DCTN2: variants seen among roughly 807,000 people sequenced by gnomAD.
DCTN2 encodes the protein 50 kDa dynein-associated polypeptide.
Under a neutral mutation model 55.4 loss-of-function variants are expected in DCTN2, and 18 were observed. The observed-to-expected ratio is 0.32, with a 90% confidence interval of 0.22 to 0.48. The LOEUF is 0.48. Among genes scored for constraint, DCTN2 ranks in the 20% least tolerant of loss-of-function variants. The pLI is 0.99. For missense variants in DCTN2, 390 were observed against 491.0 expected (o/e 0.79, Z 1.94); for synonymous variants, 168 against 185.2 (o/e 0.91, Z 0.76).
chr12:57,540,507 GT>G (rs1340212620), intron 2 of DCTN2, among the ~76,000 whole-genome samples: 1 of 152,140 alleles, frequency 6.6e-6, no homozygotes, highest in Non-Finnish European at 1.5e-5. Flanking sequence ...TACCTAGTAC[GT>G]GACTCCCAGT....
chr12:57,535,909 C>T, intron 2 of DCTN2, 64 bp from the exon 3 acceptor site: 1 of 1,290,812 alleles, frequency 7.7e-7, no homozygotes, highest in East Asian at 2.5e-5. Flanking sequence ...TACTCTACCC[C>T]ACAAAATCCC....
At chr12:57,532,478 G>GGGACCTGA in intron 11 of DCTN2, 94 bp downstream of exon 11, 2 of 1,421,558 alleles carry the variant, frequency 1.4e-6, no homozygotes, top group Non-Finnish European at 2.0e-6. Context: ...TATGAAGATG[G>GGGACCTGA]GGACCTGAGG....
In DCTN2 at chr12:57,547,152, G is replaced by A. The variant is rs929076492; in HGVS notation, c.-89C>T. 1 of 1,129,980 alleles carries A rather than the reference G, an allele frequency of 8.8e-7. No homozygotes were observed. The highest frequency in any genetic ancestry group is 4.3e-5 in the South Asian group (1 of 23,040). The allele number at this position is 1,129,980 out of a possible 1,614,324, so 70.0% of individuals were successfully genotyped here. On this transcript the variant is annotated 5_prime_UTR_variant, in exon 1 of 14. Coordinates refer to ENST00000548249, the MANE Select transcript of DCTN2 (RefSeq NM_001261413.2). ...GGGAGAGGCTGGGTTCGGGTCCCGG[G>A]CTAAGGCGGCGGCAAAGGGAGCGGC...
At chr12:57,545,199 G>A (rs888519048) in intron 2 of DCTN2, among the ~76,000 whole-genome samples, 1 of 152,180 alleles carries the variant, frequency 6.6e-6, no homozygotes, top group Non-Finnish European at 1.5e-5. Context: ...TCCCAGCCCA[G>A]CTGTCTTCAG....
At chr12:57,543,767 C>G in intron 2 of DCTN2, 1 of 1,282,578 alleles carries the variant, frequency 7.8e-7, no homozygotes, top group Non-Finnish European at 1.0e-6. Flanking sequence ...CAATTCAGCT[C>G]TTCTTGTATT....
chr12:57,541,242 C>T lies in DCTN2; in HGVS notation c.105+4786G>A, dbSNP rs1456429462. 7 of 1,193,168 alleles carry T rather than the reference C, an allele frequency of 5.9e-6. No homozygotes were observed. In the South Asian group the frequency reaches 1.0e-4, roughly 17 times the overall value. The allele number at this position is 1,193,168 out of a possible 1,614,324, so 73.9% of individuals were successfully genotyped here. ...ATAAGGCCAGCAGGCCCCTCAGTGA[C>T]CCAGCCAGGGACTCACTGGAATTTA... On this transcript the variant is annotated intron_variant, in intron 2 of 13. Transcript: ENST00000548249.
At chr12:57,544,347 C>T (rs1880960909) in intron 2 of DCTN2, among the ~76,000 whole-genome samples, 1 of 151,826 alleles carries the variant, frequency 6.6e-6, no homozygotes, top group African/African-American at 2.4e-5. Context: ...ATACCTAGTA[C>T]AATGTAAATG....
At chr12:57,537,364 A>G (rs1474422969) in intron 2 of DCTN2, among the ~76,000 whole-genome samples, 1 of 138,848 alleles carries the variant, frequency 7.2e-6, no homozygotes, top group Non-Finnish European at 1.5e-5. Context: ...AGAGAAAAGA[A>G]AAAAAAAAAA....
Position 57,532,638 on chromosome 12 carries a change from G to A in DCTN2, c.858C>T (p.Val286=), listed in dbSNP as rs775130542. 4.2e-5 allele frequency: 67 copies of A among 1,613,774 alleles called. No individual in the cohort carries two copies. Among genetic ancestry groups the A allele is most frequent in the Admixed American group, 2.5e-4 (15 of 59,994 alleles). ...TGGCAATCTCGTTCACCTTTCCCAG[G>A]ACACTCTGAAAACACAGATTTTAAG... ...LDQVEARLQS[V]LGKVNEIAKH... Residue 286 remains valine (V), a synonymous_variant, in exon 11 of 14, where the codon GTC becomes GTT. Transcript: ENST00000548249.
At chr12:57,543,751 CAG>C in intron 2 of DCTN2, 1 of 1,271,748 alleles carries the variant, frequency 7.9e-7, no homozygotes, top group Non-Finnish European at 1.0e-6. Flanking sequence ...CCTTAGGTGA[CAG>C]AAACAATTCA....
chr12:57,544,790 T>G (rs945683231), intron 2 of DCTN2, among the ~76,000 whole-genome samples: 1 of 152,176 alleles, frequency 6.6e-6, no homozygotes, highest in Non-Finnish European at 1.5e-5. Context: ...ACACTCCTAT[T>G]CTGTGAGGAC....
In DCTN2 at chr12:57,532,783, C is replaced by T. The variant is rs1276868263; in HGVS notation, c.802G>A (p.Val268Met). ...METVELLQAK[V>M]SALDLAVLDQ... is the part of the protein sequence containing the mutation. ...AAAACTGCAAGGTCTAGGGCGCTCA[C>T]CTTTGCTTGCAACAGCTCTACAGTC... Residue 268 changes from valine to methionine, a missense_variant, in exon 10 of 14, where the codon GTG becomes ATG. Physicochemically the swap from Val to Met is conservative, Grantham distance 21. This residue lies in a region of DCTN2 where 273 missense variants were observed against 303.2 expected (regional missense o/e 0.90). Transcript: ENST00000548249. 1 of 1,613,838 alleles carries T rather than the reference C, an allele frequency of 6.2e-7. No individual in the cohort carries two copies. Among genetic ancestry groups the T allele is most frequent in the Non-Finnish European group, 8.5e-7 (1 of 1,179,900 alleles).
intron 2 of DCTN2, chr12:57,536,129 A>C: frequency 1.0e-5 from 4 of 394,498 alleles, no homozygotes; most frequent in Non-Finnish European, 1.4e-5. Context: ...CCATCCCCCC[A>C]TGCTACCCCT....
In DCTN2 at chr12:57,534,345, C is replaced by T; in HGVS notation, c.471G>A (p.Leu157=). ...GGTTGATTGCAGCATCTGGTCCCAGCAGCTTCTCCAGGTGGGAAGCAACCA... is the reference window on the plus strand; with the variant it reads ...GGTTGATTGCAGCATCTGGTCCCAGTAGCTTCTCCAGGTGGGAAGCAACCA... The part of the protein sequence containing the change: ...QQLVASHLEK[L]LGPDAAINLT... The change falls in exon 6 of 14, where the codon CTG becomes CTA. Residue 157 remains leucine (L), a synonymous_variant. Transcript: ENST00000548249. 6.2e-7 allele frequency: 1 copy of T among 1,612,272 alleles called. No homozygotes were observed. The highest frequency in any genetic ancestry group is 8.5e-7 in the Non-Finnish European group (1 of 1,178,730).
In DCTN2 at chr12:57,530,267, A is replaced by G. The variant is rs775324; in HGVS notation, c.*422T>C. ...CCTGTTATGACGAATGAATATCTAT[A>G]TCCTAGTGCTGCTTCCTCCCCAGGA... On this transcript the variant is annotated 3_prime_UTR_variant, in exon 14 of 14. Transcript: ENST00000548249. 30,260 of 158,748 alleles carry G rather than the reference A, an allele frequency of 0.19. 3,245 individuals are homozygous for G. Among genetic ancestry groups the G allele is most frequent in the East Asian group, 0.34 (1,822 of 5,422 alleles). The allele number at this position is 158,748 out of a possible 1,614,324, so 9.8% of individuals were successfully genotyped here. A position where few individuals can be genotyped will look rare whatever the true frequency, so the allele number is the denominator to read the frequency against.
Position 57,530,532 on chromosome 12 carries a change from G to T in DCTN2, c.*157C>A. 1 of 616,490 alleles carries T rather than the reference G, an allele frequency of 1.6e-6. No individual in the cohort carries two copies. The highest frequency in any genetic ancestry group is 2.2e-5 in the South Asian group (1 of 45,136). The allele number at this position is 616,490 out of a possible 1,614,324, so 38.2% of individuals were successfully genotyped here. A position where few individuals can be genotyped will look rare whatever the true frequency, so the allele number is the denominator to read the frequency against. ...CTAGCTACCACTCTGTATTCATCAG[G>T]GGAGGGGTATAAACCCCACATGCAA... On this transcript the variant is annotated 3_prime_UTR_variant, in exon 14 of 14. Transcript: ENST00000548249.
In DCTN2 at chr12:57,547,108, G is replaced by A; in HGVS notation, c.-45C>T. On this transcript the variant is annotated 5_prime_UTR_variant, in exon 1 of 14. Coordinates refer to ENST00000548249, the MANE Select transcript of DCTN2 (RefSeq NM_001261413.2). ...GGGGGACCCGGGCCTCGGTGGAGCC[G>A]GGGCCGGTGTTCGGGTAGGGGAGAG... is the stretch of plus-strand genomic sequence containing the variant. 2.4e-6 allele frequency: 3 copies of A among 1,253,342 alleles called. No homozygotes were observed. Among genetic ancestry groups the A allele is most frequent in the Admixed American group, 8.3e-5 (2 of 24,094 alleles). The allele number at this position is 1,253,342 out of a possible 1,614,324, so 77.6% of individuals were successfully genotyped here. A position where few individuals can be genotyped will look rare whatever the true frequency, so the allele number is the denominator to read the frequency against.
At chr12:57,546,719 G>A (rs774463439) in intron 1 of DCTN2, among the ~76,000 whole-genome samples, 1 of 152,154 alleles carries the variant, frequency 6.6e-6, no homozygotes, top group Admixed American at 6.5e-5. Flanking sequence ...GAGAGATTTG[G>A]GGGGGACATG....
chr12:57,546,930 G>T, intron 1 of DCTN2, 98 bp downstream of exon 1: 1 of 1,014,396 alleles, frequency 9.9e-7, no homozygotes, highest in Non-Finnish European at 1.3e-6. Context: ...GGCGGAGGAT[G>T]GGCTGCAGGC....
Sources: gnomAD v4.1 joint callset for allele counts (sites outside exome capture counted in the v4.1 genomes callset) on GRCh38, gnomAD v4.1.1 for gene constraint, gnomAD v4.1.1 regional missense constraint, MANE v1.5 for transcripts, NCBI Gene and HGNC (gene_info 2026-07-23, HGNC 2026-07-21) for gene names.